PARD3: variants seen among roughly 807,000 people sequenced by gnomAD.
The protein encoded by PARD3 is par-3 family cell polarity regulator.
PARD3 carries 75 observed loss-of-function variants against 155.4 expected under a neutral mutation model. The observed-to-expected ratio is 0.48, with a 90% confidence interval of 0.40 to 0.58. The LOEUF (loss-of-function observed/expected upper bound fraction) is 0.58, where lower values mean the gene tolerates loss of function less well. PARD3 is among the 20% of genes least tolerant of loss of function. The pLI is 0.00. For missense variants in PARD3, 1,642 were observed against 1,721.7 expected, an observed-to-expected ratio of 0.95 and a Z score of 0.82; for synonymous variants, 576 against 610.5, an observed-to-expected ratio of 0.94 and a Z score of 0.83.
intron 2 of PARD3, among the ~76,000 whole-genome samples, chr10:34,687,778 C>T (rs2093975209): frequency 6.8e-6 from 1 of 147,986 alleles, no homozygotes; most frequent in Non-Finnish European, 1.5e-5. Context: ...CCCTGTTGAT[C>T]ATCCACACAA....
At position 34,399,374 on chromosome 10, in the gene PARD3, C is replaced by A. The variant is rs1463129946; in HGVS notation, c.846G>T (p.Gly282=). 6.2e-7 allele frequency: 1 copy of A among 1,612,240 alleles called. No homozygotes were observed. The highest frequency in any genetic ancestry group is 8.5e-7 in the Non-Finnish European group (1 of 1,178,318). The change falls in exon 7 of 25, where the codon GGG becomes GGT. Residue 282 remains glycine, a synonymous_variant. Transcript: ENST00000374788. ...VKLVEVPNDG[G]PLGIHVVPFS... ...AAGGCACTACGTGGATTCCCAGAGGCCCTCCATCGTTGGGGACTTCTACGA... is the reference window on the plus strand; with the variant it reads ...AAGGCACTACGTGGATTCCCAGAGGACCTCCATCGTTGGGGACTTCTACGA...
chr10:34,308,272 G>C (rs1957516613), intron 20 of PARD3, among the ~76,000 whole-genome samples: 1 of 152,150 alleles, frequency 6.6e-6, no homozygotes, highest in Admixed American at 6.5e-5. Flanking sequence ...GTGACTTCTG[G>C]ATGTGGTGGT....
intron 2 of PARD3, among the ~76,000 whole-genome samples, chr10:34,623,386 G>T (rs117460190): frequency 6.6e-6 from 1 of 152,212 alleles, no homozygotes; most frequent in Non-Finnish European, 1.5e-5. Context: ...AATTTTCTAC[G>T]AATCTTTGAA....
At chr10:34,316,862 T>C (rs1454792600) in intron 20 of PARD3, among the ~76,000 whole-genome samples, 1 of 152,182 alleles carries the variant, frequency 6.6e-6, no homozygotes, top group Non-Finnish European at 1.5e-5. Context: ...ATCTCAAAGA[T>C]AATGTTTTCA....
chr10:34,717,518 T>C (rs1012221394), intron 1 of PARD3, among the ~76,000 whole-genome samples: 1 of 152,188 alleles, frequency 6.6e-6, no homozygotes, highest in Non-Finnish European at 1.5e-5. Flanking sequence ...CAAAGTTCTG[T>C]AGACACCATT....
chr10:34,716,594 T>C (rs111573213), intron 1 of PARD3, among the ~76,000 whole-genome samples: 3,336 of 141,818 alleles, frequency 0.024, 65 homozygotes, highest in Middle Eastern at 0.047. Context: ...TCTTTTTTTT[T>C]TTTTTTTTTT....
chr10:34,544,756 T>C (rs2083909655), intron 2 of PARD3, among the ~76,000 whole-genome samples: 1 of 152,218 alleles, frequency 6.6e-6, no homozygotes, highest in African/African-American at 2.4e-5. Flanking sequence ...AACTACAGTA[T>C]CTATGAAGAC....
At chr10:34,331,038 ACTCCAGGG>A (rs1320498309) in intron 19 of PARD3, 71 bp downstream of exon 19, 5 of 1,035,230 alleles carry the variant, frequency 4.8e-6, no homozygotes, top group Non-Finnish European at 7.3e-6. Context: ...ATCTTAGAAA[ACTCCAGGG>A]CTCCCTGGAG....
At chr10:34,730,282 C>CGAG (rs1338261288) in intron 1 of PARD3, among the ~76,000 whole-genome samples, 2 of 152,100 alleles carry the variant, frequency 1.3e-5, no homozygotes, top group African/African-American at 2.4e-5. Flanking sequence ...AATCTCACCT[C>CGAG]TCTCTCTCCA....
intron 2 of PARD3, chr10:34,663,940 T>C (rs1197751710): frequency 6.6e-6 from 1 of 152,220 alleles, no homozygotes; most frequent in East Asian, 1.9e-4. Context: ...GTACAATGTT[T>C]AGGCGCCTCA....
chr10:34,131,412 C>T, intron 23 of PARD3, 51 bp downstream of exon 23: 1 of 1,609,418 alleles, frequency 6.2e-7, no homozygotes, highest in Non-Finnish European at 8.5e-7. Flanking sequence ...GTGGCCTTTG[C>T]TGCAGGGAAG....
chr10:34,442,895 A>AT lies in PARD3; in HGVS notation c.714+7421dup, dbSNP rs549090274. The stretch of plus-strand genomic sequence containing the variant: ...TCTTAAAGATTAAAACAGAAAAAAG[A>AT]TAAGAAAACATTATCATTTCATACT... On this transcript the variant is annotated intron_variant, in intron 5 of 24. Transcript: ENST00000374788. Among the ~76,000 whole-genome samples, 435 of 152,334 alleles carry AT rather than the reference A, an allele frequency of 2.9e-3. 2 individuals carry two copies. The highest frequency in any genetic ancestry group is 9.2e-3 in the African/African-American group (384 of 41,580).
At chr10:34,291,434 T>C (rs1956670274) in intron 20 of PARD3, among the ~76,000 whole-genome samples, 1 of 152,256 alleles carries the variant, frequency 6.6e-6, no homozygotes, top group Non-Finnish European at 1.5e-5. Flanking sequence ...GACATAATTA[T>C]GCACTTGTTG....
At position 34,487,430 on chromosome 10, in the gene PARD3, T is replaced by G. The variant is rs115108536; in HGVS notation, c.404-17167A>C. On this transcript the variant is annotated intron_variant, in intron 3 of 24. Coordinates refer to ENST00000374788, the MANE Select transcript of PARD3 (RefSeq NM_001184785.2). ...ATTAAGAAAATGAATGACTTCCATC[T>G]TGAGATACAGGACTTCCATCTATCT... Among the ~76,000 whole-genome samples, 963 of 152,204 alleles carry G rather than the reference T, an allele frequency of 6.3e-3. 10 individuals carry two copies. The highest frequency in any genetic ancestry group is 0.022 in the African/African-American group (917 of 41,528).
chr10:34,513,040 CA>C (rs968677588), intron 3 of PARD3, among the ~76,000 whole-genome samples: 41 of 151,746 alleles, frequency 2.7e-4, no homozygotes, highest in African/African-American at 9.2e-4. Flanking sequence ...TTTAGGCTAC[CA>C]AAAAAATATA....
chr10:34,521,110 T>G (rs1479975584), intron 2 of PARD3, among the ~76,000 whole-genome samples: 1 of 152,190 alleles, frequency 6.6e-6, no homozygotes, highest in Non-Finnish European at 1.5e-5. Context: ...TTACAAAGAA[T>G]AAGTCTTTAA....
At chr10:34,352,662 G>A (rs1252628015) in intron 14 of PARD3, among the ~76,000 whole-genome samples, 1 of 152,230 alleles carries the variant, frequency 6.6e-6, no homozygotes, top group Non-Finnish European at 1.5e-5. Context: ...TCTTGCCCAG[G>A]CTGGAGTGCA....
intron 3 of PARD3, among the ~76,000 whole-genome samples, chr10:34,512,913 A>G (rs1233037842): frequency 1.3e-5 from 2 of 152,118 alleles, no homozygotes; most frequent in Non-Finnish European, 2.9e-5. Context: ...AACAATACCA[A>G]CGACAAACAG....
At chr10:34,559,996 A>C (rs775005315) in intron 2 of PARD3, among the ~76,000 whole-genome samples, 134 of 152,318 alleles carry the variant, frequency 8.8e-4, no homozygotes, top group Non-Finnish European at 1.3e-3. Flanking sequence ...ACATTTTAAA[A>C]GTTTGAATTG....
Sources: allele counts gnomAD v4.1 joint callset (sites outside exome capture counted in the v4.1 genomes callset), GRCh38; gene constraint gnomAD v4.1.1; transcripts MANE v1.5; gene names NCBI Gene and HGNC (gene_info 2026-07-23, HGNC 2026-07-21).